Variants in MTR observed in about 807,000 individuals in gnomAD.
MTR encodes the protein methionine synthase.
In MTR, 84 loss-of-function variants were observed where a neutral mutation model predicts 154.8. That is an observed-to-expected ratio of 0.54 (90% CI 0.45 to 0.65). The LOEUF (loss-of-function observed/expected upper bound fraction) is 0.65, where lower values mean the gene tolerates loss of function less well. Among genes scored for constraint, MTR ranks in the 30% least tolerant of loss-of-function variants. The pLI, the probability that MTR is intolerant of heterozygous loss-of-function variation, is 0.00. For missense variants in MTR, 1,275 were observed against 1,570.2 expected, an observed-to-expected ratio of 0.81 and a Z score of 3.18; for synonymous variants, 554 against 553.9, an observed-to-expected ratio of 1.00 and a Z score of 0.00.
intron 27 of MTR, among the ~76,000 whole-genome samples, chr1:236,888,958 G>A (rs1036172720): frequency 6.6e-6 from 1 of 152,194 alleles, no homozygotes; most frequent in African/African-American, 2.4e-5. Flanking sequence ...TTCCAAGGGT[G>A]GTGTAGTCAG....
chr1:236,814,674 C>T (rs1661488657), intron 6 of MTR, among the ~76,000 whole-genome samples: 1 of 152,122 alleles, frequency 6.6e-6, no homozygotes, highest in Admixed American at 6.6e-5. Flanking sequence ...ATCAATCTGT[C>T]TGCTGATGTG....
At position 236,806,169 on chromosome 1, in the gene MTR, T is replaced by C; in HGVS notation, c.275T>C (p.Ile92Thr). The change falls in exon 3 of 33, where the codon ATC becomes ACC. Residue 92 changes from isoleucine (I) to threonine (T), a missense_variant. Coordinates refer to ENST00000366577, the MANE Select transcript of MTR (RefSeq NM_000254.3). ...GAATACTTGCTGGCTGGGGCAGATATCATTGAAACAAATACTTTTAGCAGC... is the reference window on the plus strand; with the variant it reads ...GAATACTTGCTGGCTGGGGCAGATACCATTGAAACAAATACTTTTAGCAGC... ...HKEYLLAGAD[I>T]IETNTFSSTS... is the part of the protein sequence containing the mutation. 1 of 1,614,152 alleles carries C rather than the reference T, an allele frequency of 6.2e-7. No individual in the cohort carries two copies. Among genetic ancestry groups the C allele is most frequent in the Non-Finnish European group, 8.5e-7 (1 of 1,180,004 alleles).
chr1:236,861,484 T>G (rs916098250), intron 20 of MTR, among the ~76,000 whole-genome samples: 3 of 152,218 alleles, frequency 2.0e-5, no homozygotes, highest in African/African-American at 7.2e-5. Flanking sequence ...CCGAAAATTC[T>G]TAGCATCATA....
intron 16 of MTR, among the ~76,000 whole-genome samples, chr1:236,851,098 T>G (rs1398517372): frequency 6.6e-6 from 1 of 152,206 alleles, no homozygotes; most frequent in African/African-American, 2.4e-5. Flanking sequence ...ATTTGCAAAT[T>G]CATGTACTTA....
In MTR at chr1:236,803,544, T is replaced by C; in HGVS notation, c.151T>C (p.Phe51Leu). The change falls in exon 2 of 33, where the codon TTC becomes CTC. Residue 51 changes from phenylalanine to leucine, a missense_variant. Phe to Leu is a conservative substitution (Grantham distance 22). Coordinates refer to ENST00000366577, the MANE Select transcript of MTR (RefSeq NM_000254.3). The part of the protein sequence containing the change: ...IQREKLNEEH[F>L]RGQEFKDHAR... Reference sequence around the variant, plus strand: ...GCGGGAGAAGCTAAACGAAGAACACTTCCGAGGTCAGGAATTTAAAGATCA... The same window carrying C: ...GCGGGAGAAGCTAAACGAAGAACACCTCCGAGGTCAGGAATTTAAAGATCA... The C allele has an allele frequency of 6.2e-7, 1 of 1,614,168 alleles. No homozygotes were observed. Among genetic ancestry groups the C allele is most frequent in the Non-Finnish European group, 8.5e-7 (1 of 1,180,020 alleles).
chr1:236,895,410 G>A lies in MTR; in HGVS notation c.3458G>A (p.Cys1153Tyr), dbSNP rs1463635806. 15 of 1,605,338 alleles carry A rather than the reference G, an allele frequency of 9.3e-6. No individual in the cohort carries two copies. Among genetic ancestry groups the A allele is most frequent in the Non-Finnish European group, 1.3e-5 (15 of 1,175,624 alleles). Residue 1153 changes from cysteine to tyrosine, a missense_variant, in exon 31 of 33, where the codon TGT becomes TAT. Physicochemically the swap from Cys to Tyr is radical, Grantham distance 194. Transcript: ENST00000366577. Reference sequence around the variant, plus strand: ...GTTCGCCGAGAACTGTGGGCCTACTGTGGCAGTGAGCAGCTGGACGTCGCA... The same window carrying A: ...GTTCGCCGAGAACTGTGGGCCTACTATGGCAGTGAGCAGCTGGACGTCGCA... ...ERVRRELWAYCGSEQLDVADL... is the reference protein window; with the variant it reads ...ERVRRELWAYYGSEQLDVADL...
At chr1:236,834,490 G>C (rs936189826) in intron 13 of MTR, among the ~76,000 whole-genome samples, 1 of 152,132 alleles carries the variant, frequency 6.6e-6, no homozygotes, top group African/African-American at 2.4e-5. Flanking sequence ...CAGATTTACT[G>C]AATTTAAGTG....
chr1:236,900,113 T>C lies in MTR; in HGVS notation c.*2469T>C, dbSNP rs1666854592. 1 of 363,872 alleles carries C rather than the reference T, an allele frequency of 2.7e-6. No individual in the cohort carries two copies. The allele number at this position is 363,872 out of a possible 1,614,324, so 22.5% of individuals were successfully genotyped here. On this transcript the variant is annotated 3_prime_UTR_variant, in exon 33 of 33. Coordinates refer to ENST00000366577, the MANE Select transcript of MTR (RefSeq NM_000254.3). The stretch of plus-strand genomic sequence containing the variant: ...GGCCACTAGGAGGAATGTGTAAGAA[T>C]GTTCATAGTTACATATTTATAATAG...
chr1:236,886,371 T>C lies in MTR; in HGVS notation c.2851+4T>C. On this transcript the variant is annotated splice_donor_region_variant and intron_variant, in intron 27 of 32. Transcript: ENST00000366577. The stretch of plus-strand genomic sequence containing the variant: ...TGGCTGTCTGAACCTCACCCAGGTC[T>C]GTTTGGCTATGGACTAGAGAAAGAC... 1 of 1,613,990 alleles carries C rather than the reference T, an allele frequency of 6.2e-7. No individual in the cohort carries two copies. The highest frequency in any genetic ancestry group is 1.1e-5 in the South Asian group (1 of 91,068).
chr1:236,835,614 A>G lies in MTR; in HGVS notation c.1256A>G (p.Asp419Gly). 1 of 1,610,814 alleles carries G rather than the reference A, an allele frequency of 6.2e-7. No homozygotes were observed. Among genetic ancestry groups the G allele is most frequent in the Non-Finnish European group, 8.5e-7 (1 of 1,179,458 alleles). ...CAGGTGTTGGATGTCAACATGGATG[A>G]TGGCATGCTAGATGGTCCAAGTGCA... ...GAQVLDVNMDDGMLDGPSAMT... is the reference protein window; with the variant it reads ...GAQVLDVNMDGGMLDGPSAMT... Residue 419 changes from aspartate (D) to glycine (G), a missense_variant, in exon 14 of 33, where the codon GAT (aspartate) becomes GGT (glycine). Transcript: ENST00000366577.
At chr1:236,888,193 C>G (rs982132844) in intron 27 of MTR, among the ~76,000 whole-genome samples, 6 of 152,168 alleles carry the variant, frequency 3.9e-5, no homozygotes, top group Non-Finnish European at 7.3e-5. Flanking sequence ...AGGAAGTTCC[C>G]TGATCCCTGG....
At chr1:236,820,294 A>T (rs61831811) in intron 8 of MTR, 1 of 751,746 alleles carries the variant, frequency 1.3e-6, no homozygotes. Flanking sequence ...TACTGAAAAG[A>T]CTGTGACCAA....
chr1:236,795,317 C>T lies in MTR; in HGVS notation c.-387C>T. On this transcript the variant is annotated 5_prime_UTR_variant, in exon 1 of 33. Transcript: ENST00000366577. ...AGAACTAACCGCGCTCTGAAAGGTTCTAAATGTCTGCGGGGCTCAGAGCCG... is the reference window on the plus strand; with the variant it reads ...AGAACTAACCGCGCTCTGAAAGGTTTTAAATGTCTGCGGGGCTCAGAGCCG... 14 of 1,261,998 alleles carry T rather than the reference C, an allele frequency of 1.1e-5. No homozygotes were observed. Among genetic ancestry groups the T allele is most frequent in the Non-Finnish European group, 1.4e-5 (14 of 978,182 alleles). 78.2% of individuals were successfully genotyped at this position (1,261,998 alleles called of 1,614,324 possible).
At chr1:236,875,586 C>T (rs963654265) in intron 24 of MTR, among the ~76,000 whole-genome samples, 3 of 151,996 alleles carry the variant, frequency 2.0e-5, no homozygotes, top group African/African-American at 7.2e-5. Context: ...CACAGTGGTC[C>T]CATAGCATCT....
chr1:236,849,984 T>A (rs1310309513), intron 15 of MTR, among the ~76,000 whole-genome samples: 2 of 152,212 alleles, frequency 1.3e-5, no homozygotes, highest in African/African-American at 4.8e-5. Flanking sequence ...TGATTTTTTA[T>A]CATATGCATG....
At chr1:236,861,094 TTTC>T in intron 19 of MTR, 28 bp from the exon 20 acceptor site, 1 of 1,510,432 alleles carries the variant, frequency 6.6e-7, no homozygotes, top group Non-Finnish European at 8.8e-7. Context: ...TTTCTTTCTT[TTTC>T]TTTTTTTTTT....
chr1:236,837,529 C>G (rs1281594964), intron 14 of MTR, among the ~76,000 whole-genome samples: 1 of 152,176 alleles, frequency 6.6e-6, no homozygotes, highest in Non-Finnish European at 1.5e-5. Flanking sequence ...AGCCAGAGAC[C>G]TGGCTTTCTT....
chr1:236,797,685 G>T (rs985134494), intron 1 of MTR, among the ~76,000 whole-genome samples: 1 of 152,110 alleles, frequency 6.6e-6, no homozygotes, highest in Non-Finnish European at 1.5e-5. Flanking sequence ...GAAGCTGGGC[G>T]CGGTGGCTCA....
At chr1:236,823,992 T>A in intron 8 of MTR, 127 bp from the exon 9 acceptor site, 1 of 801,502 alleles carries the variant, frequency 1.2e-6, no homozygotes, top group South Asian at 1.5e-5. Flanking sequence ...GGTAGTTGAA[T>A]AAAAGTGCTT....
Sources: allele counts gnomAD v4.1 joint callset (sites outside exome capture counted in the v4.1 genomes callset), GRCh38; gene constraint gnomAD v4.1.1; transcripts MANE v1.5; gene names NCBI Gene and HGNC (gene_info 2026-07-23, HGNC 2026-07-21).